HUWE1: variants seen among roughly 807,000 people sequenced by gnomAD.
The protein encoded by HUWE1 is E3 ubiquitin-protein ligase HUWE1.
In HUWE1, 18 loss-of-function variants were observed where a neutral mutation model predicts 299.4. That is an observed-to-expected ratio of 0.06 (90% CI 0.04 to 0.09). The LOEUF (loss-of-function observed/expected upper bound fraction) is 0.09, where lower values mean the gene tolerates loss of function less well. Ranked by LOEUF, HUWE1 falls within the 10% of genes least tolerant of loss-of-function variation. The probability of loss-of-function intolerance (pLI) is 1.00; values close to 1 mark genes in which losing one functional copy is unlikely to be tolerated. For missense variants in HUWE1, 1,832 were observed against 3,462.3 expected (o/e 0.53, Z 11.82); for synonymous variants, 1,317 against 1,286.1 (o/e 1.02, Z -0.51).
chrX:53,668,366 C>T (rs1314728076), intron 3 of HUWE1, among the ~76,000 whole-genome samples: 2 of 105,342 alleles, frequency 1.9e-5, no homozygotes, highest in Non-Finnish European at 3.9e-5. Flanking sequence ...CGCTTGAACT[C>T]GGGAGGTGGA....
At chrX:53,625,409 C>T (rs1230954761) in intron 17 of HUWE1, 151 bp from the exon 18 acceptor site, 1 of 410,954 alleles carries the variant, frequency 2.4e-6, no homozygotes, top group African/African-American at 2.5e-5. Context: ...AGGAAGAATA[C>T]TTAATTAAGC....
rs2061381318 is a variant in HUWE1 at position 53,542,377 on chromosome X, T to C, written c.11476+66A>G. 8.3e-6 allele frequency: 6 copies of C among 721,532 alleles called. No homozygotes were observed. In the Admixed American group the frequency reaches 1.3e-4, roughly 16 times the overall value. 59.5% of individuals were successfully genotyped at this position (721,532 alleles called of 1,213,427 possible). A position where few individuals can be genotyped will look rare whatever the true frequency, so the allele number is the denominator to read the frequency against. ...GCTTATATATGCTGGGAGCAGGGGATTCAGCAGACATTCCAGAAGACTGGC... is the reference window on the plus strand; with the variant it reads ...GCTTATATATGCTGGGAGCAGGGGACTCAGCAGACATTCCAGAAGACTGGC... On this transcript the variant is annotated intron_variant, in intron 74 of 83. Transcript: ENST00000262854.
At chrX:53,636,689 T>C (rs782058185) in intron 7 of HUWE1, among the ~76,000 whole-genome samples, 19 of 112,055 alleles carry the variant, frequency 1.7e-4, no homozygotes, top group African/African-American at 5.8e-4. Context: ...ACCACTGCAC[T>C]CCAGCCTGGG....
At chrX:53,645,523 A>T (rs960885179) in intron 6 of HUWE1, 60 bp from the exon 7 acceptor site, 61 of 1,068,423 alleles carry the variant, frequency 5.7e-5, no homozygotes, top group Admixed American at 2.5e-4. Flanking sequence ...TTGAAAACAA[A>T]ACAAAATGTA....
At chrX:53,592,323 G>A in intron 33 of HUWE1, 75 bp downstream of exon 33, 1 of 720,740 alleles carries the variant, frequency 1.4e-6, no homozygotes, top group South Asian at 2.1e-5. Context: ...TGGTATGTGA[G>A]CTTAGAAAAT....
chrX:53,563,318 C>T (rs782468442), intron 52 of HUWE1, among the ~76,000 whole-genome samples: 1 of 111,871 alleles, frequency 8.9e-6, no homozygotes, highest in Non-Finnish European at 1.9e-5. Flanking sequence ...AGTAGGGTAC[C>T]TTTGCCATTT....
At chrX:53,537,268 C>G (rs2061107782) in intron 78 of HUWE1, 1 of 353,631 alleles carries the variant, frequency 2.8e-6, no homozygotes, top group African/African-American at 2.6e-5. Context: ...CCTAGTATAG[C>G]AATATTAAAG....
At chrX:53,554,226 A>C (rs782168374) in intron 61 of HUWE1, among the ~76,000 whole-genome samples, 1 of 110,439 alleles carries the variant, frequency 9.1e-6, no homozygotes, top group Admixed American at 9.6e-5. Context: ...GATTTTGGAG[A>C]GTTTTTTTTT....
At chrX:53,683,278 T>TGGGGAGAGG (rs1314434120) in intron 2 of HUWE1, among the ~76,000 whole-genome samples, 3 of 110,438 alleles carry the variant, frequency 2.7e-5, no homozygotes, top group African/African-American at 9.9e-5. Context: ...AGGAGGGGTG[T>TGGGGAGAGG]GGGGAGAGGA....
At chrX:53,549,612 A>C (rs966342807) in intron 66 of HUWE1, 107 bp from the exon 67 acceptor site, 2 of 689,734 alleles carry the variant, frequency 2.9e-6, no homozygotes, top group East Asian at 6.9e-5. Context: ...AGGAGGCTTG[A>C]GAAAGGTGGG....
rs113312622 is a variant in HUWE1, at chrX:53,595,844, T to A, written c.3164-441A>T. ...AAATATGTAGTCCCAGAGGAAAAAATAAACTAGGAAAAGCAGGAAAATTTT... is the reference window on the plus strand; with the variant it reads ...AAATATGTAGTCCCAGAGGAAAAAAAAAACTAGGAAAAGCAGGAAAATTTT... On this transcript the variant is annotated intron_variant, in intron 29 of 83. Transcript: ENST00000262854. Among the ~76,000 whole-genome samples, 848 of 109,622 alleles carry A rather than the reference T, an allele frequency of 7.7e-3. 9 individuals carry two copies. The highest frequency in any genetic ancestry group is 0.028 in the African/African-American group (822 of 29,100).
chrX:53,622,688 G>A (rs2066226930), intron 19 of HUWE1, among the ~76,000 whole-genome samples: 1 of 111,621 alleles, frequency 9.0e-6, no homozygotes, highest in African/African-American at 3.3e-5. Flanking sequence ...ACTACCTACT[G>A]GCATTTCAAG....
intron 21 of HUWE1, among the ~76,000 whole-genome samples, chrX:53,616,215 T>C (rs782446893): frequency 1.8e-5 from 2 of 110,611 alleles, no homozygotes; most frequent in Non-Finnish European, 3.8e-5. Context: ...GCTGTTGTGA[T>C]ATTTTTTTCC....
intron 22 of HUWE1, 110 bp from the exon 23 acceptor site, chrX:53,614,855 T>G: frequency 1.9e-6 from 1 of 526,689 alleles, no homozygotes; most frequent in Admixed American, 2.7e-5. Flanking sequence ...GCCCAAACAC[T>G]TTGTATACAT....
chrX:53,542,525 C>T lies in HUWE1; in HGVS notation c.11394G>A (p.Gln3798=). The change falls in exon 74 of 84, where the codon CAG becomes CAA. Residue 3798 remains glutamine, a synonymous_variant. Transcript: ENST00000262854. ...CCTCCCTCCGGACAGACGCCTCTGACTGGCTAGACTCCGACTGGATAAAAG... is the reference window on the plus strand; with the variant it reads ...CCTCCCTCCGGACAGACGCCTCTGATTGGCTAGACTCCGACTGGATAAAAG... ...QQQAATSESS[Q]SEASVRREES... 8.4e-7 allele frequency: 1 copy of T among 1,187,879 alleles called. No homozygotes were observed. The highest frequency in any genetic ancestry group is 1.1e-6 in the Non-Finnish European group (1 of 873,621).
At chrX:53,601,086 G>GT (rs1446903428) in intron 28 of HUWE1, among the ~76,000 whole-genome samples, 1 of 111,429 alleles carries the variant, frequency 9.0e-6, no homozygotes, top group East Asian at 2.8e-4. Context: ...GCTGTCATAT[G>GT]TAAGTCCTTG....
chrX:53,677,877 T>C (rs915189238), intron 3 of HUWE1, among the ~76,000 whole-genome samples: 6 of 111,782 alleles, frequency 5.4e-5, no homozygotes, highest in Admixed American at 9.5e-5. Flanking sequence ...TAAATGGTTA[T>C]AGTGAAAGGT....
At chrX:53,594,389 A>G in intron 31 of HUWE1, 110 bp downstream of exon 31, 7 of 824,873 alleles carry the variant, frequency 8.5e-6, no homozygotes, top group Non-Finnish European at 1.1e-5. Context: ...AGCTATTTCT[A>G]TATATCCCAC....
At chrX:53,634,189 G>C (rs782647336) in intron 8 of HUWE1, 47 bp downstream of exon 8, 1 of 969,227 alleles carries the variant, frequency 1.0e-6, no homozygotes, top group Non-Finnish European at 1.5e-6. Flanking sequence ...TTCACAGAGA[G>C]GCCACAGCTC....
Sources: gnomAD v4.1 joint callset for allele counts (sites outside exome capture counted in the v4.1 genomes callset) on GRCh38, gnomAD v4.1.1 for gene constraint, MANE v1.5 for transcripts, NCBI Gene and HGNC (gene_info 2026-07-23, HGNC 2026-07-21) for gene names.